Variants in PRPSAP1 observed in about 807,000 individuals in gnomAD.
PRPSAP1 encodes phosphoribosyl pyrophosphate synthase-associated protein 1.
Under a neutral mutation model 39.4 loss-of-function variants are expected in PRPSAP1, and 31 were observed. The observed-to-expected ratio is 0.79, with a 90% CI of 0.59 to 1.06. The LOEUF (loss-of-function observed/expected upper bound fraction) is 1.06, where lower values mean the gene tolerates loss of function less well. Ranked by LOEUF, PRPSAP1 falls within the 50% of genes least tolerant of loss-of-function variation. The pLI, the probability that PRPSAP1 is intolerant of heterozygous loss-of-function variation, is 0.00. For missense variants in PRPSAP1, 430 were observed against 511.6 expected (o/e 0.84, Z 1.54); for synonymous variants, 212 against 192.6 (o/e 1.10, Z -0.83).
chr17:76,330,057 A>G lies in PRPSAP1; in HGVS notation c.621T>C (p.Pro207=), dbSNP rs746858380. 6.2e-7 allele frequency: 1 copy of G among 1,613,784 alleles called. No individual in the cohort carries two copies. Among genetic ancestry groups the G allele is most frequent in the East Asian group, 2.2e-5 (1 of 44,888 alleles). Residue 207 remains proline, a synonymous_variant, in exon 6 of 10, where the codon CCT becomes CCC. Transcript: ENST00000446526. ...AGCTTACTTACCTCTTTGCAGCATC[A>G]GGAGACTTAGCTACAATGACTGCAT... The part of the protein sequence containing the change: ...YRNAVIVAKS[P]DAAKRAQSYA...
intron 9 of PRPSAP1, among the ~76,000 whole-genome samples, chr17:76,312,174 C>T (rs2071076503): frequency 1.3e-5 from 2 of 152,168 alleles, no homozygotes; most frequent in African/African-American, 2.4e-5. Flanking sequence ...GGCACAGTGG[C>T]TCATGCTTGT....
intron 7 of PRPSAP1, among the ~76,000 whole-genome samples, chr17:76,323,722 T>C (rs1007321868): frequency 6.6e-6 from 1 of 152,128 alleles, no homozygotes; most frequent in African/African-American, 2.4e-5. Flanking sequence ...TTTTGTTTTT[T>C]TTTTTGAGAT....
At chr17:76,334,652 T>TC (rs1467524266) in intron 3 of PRPSAP1, among the ~76,000 whole-genome samples, 2 of 151,552 alleles carry the variant, frequency 1.3e-5, no homozygotes, top group Non-Finnish European at 2.9e-5. Context: ...AAACAAAAAA[T>TC]GTCTCCCTGA....
chr17:76,332,421 G>A lies in PRPSAP1; in HGVS notation c.305C>T (p.Ala102Val), dbSNP rs1249044479. The change falls in exon 4 of 10, where the codon GCT becomes GTT. Residue 102 changes from alanine (A) to valine (V), a missense_variant. Ala to Val is a moderately conservative substitution (Grantham distance 64). Transcript: ENST00000446526. ...IQTIPRDVNT[A>V]VMELLIMAYA... The stretch of plus-strand genomic sequence containing the variant: ...AGCCATGATGAGCAACTCCATCACA[G>A]CTGTATTCACATCTCTGAAACAGTC... 2.5e-6 allele frequency: 4 copies of A among 1,614,044 alleles called. No homozygotes were observed. Among genetic ancestry groups the A allele is most frequent in the Non-Finnish European group, 3.4e-6 (4 of 1,180,022 alleles).
chr17:76,340,782 C>T (rs907415817), intron 3 of PRPSAP1, among the ~76,000 whole-genome samples: 45 of 151,574 alleles, frequency 3.0e-4, no homozygotes, highest in African/African-American at 8.0e-4. Context: ...CCCAGCTACT[C>T]GGGAGGCTGA....
At chr17:76,315,211 G>C (rs1057051666) in intron 7 of PRPSAP1, among the ~76,000 whole-genome samples, 2 of 152,184 alleles carry the variant, frequency 1.3e-5, no homozygotes, top group Admixed American at 1.3e-4. Context: ...AAGGAAATAA[G>C]ATTTTATCCT....
At chr17:76,353,320 G>T (rs1397294057) in intron 1 of PRPSAP1, 1 of 525,396 alleles carries the variant, frequency 1.9e-6, no homozygotes, top group Non-Finnish European at 3.3e-6. Flanking sequence ...GCGGGGGGCT[G>T]AGGTCACCGA....
intron 8 of PRPSAP1, chr17:76,313,462 C>A: frequency 3.5e-6 from 1 of 281,874 alleles, no homozygotes; most frequent in Non-Finnish European, 6.7e-6. Context: ...CGAGTCTGCA[C>A]GGGGACACCC....
rs1598542652 is a variant in PRPSAP1, at chr17:76,347,025, A to C, written c.223+1504T>G. ...CAAGGCCAGCAAACCCTCCGGGCCC[A>C]ATATGCCAGAGACGCTAGCCATGAC... On this transcript the variant is annotated intron_variant, in intron 2 of 9. Transcript: ENST00000446526. 2.0e-5 allele frequency among the ~76,000 whole-genome samples: 3 copies of C among 152,222 alleles called. No individual in the cohort carries two copies. In the East Asian group the frequency reaches 5.8e-4, roughly 29 times the overall value.
intron 7 of PRPSAP1, among the ~76,000 whole-genome samples, chr17:76,322,907 T>C (rs2071212767): frequency 6.6e-6 from 1 of 151,900 alleles, no homozygotes. Flanking sequence ...GGTGGGAGGA[T>C]CACCTGAGCC....
At chr17:76,351,193 T>C (rs1236294244) in intron 1 of PRPSAP1, among the ~76,000 whole-genome samples, 2 of 152,064 alleles carry the variant, frequency 1.3e-5, no homozygotes, top group Non-Finnish European at 2.9e-5. Context: ...GCCAACGTGG[T>C]GAAACCCATC....
chr17:76,313,563 C>G, intron 8 of PRPSAP1: 1 of 453,506 alleles, frequency 2.2e-6, no homozygotes, highest in South Asian at 3.5e-5. Flanking sequence ...TTTAAAGAAC[C>G]TAGAATCCAC....
At chr17:76,350,810 A>T (rs560689970) in intron 1 of PRPSAP1, among the ~76,000 whole-genome samples, 5 of 152,206 alleles carry the variant, frequency 3.3e-5, no homozygotes, top group Admixed American at 6.6e-5. Flanking sequence ...AGGTAGGTGG[A>T]TCACCTGAAG....
intron 9 of PRPSAP1, among the ~76,000 whole-genome samples, chr17:76,312,584 C>T (rs2071080470): frequency 6.6e-6 from 1 of 152,070 alleles, no homozygotes; most frequent in African/African-American, 2.4e-5. Context: ...ATAATAAAAG[C>T]GATTATTTTA....
At chr17:76,340,505 A>T (rs548327854) in intron 3 of PRPSAP1, among the ~76,000 whole-genome samples, 1 of 151,916 alleles carries the variant, frequency 6.6e-6, no homozygotes, top group East Asian at 1.9e-4. Flanking sequence ...CTTGGTTACC[A>T]TGTGATATCA....
intron 2 of PRPSAP1, 79 bp from the exon 3 acceptor site, chr17:76,344,816 C>A: frequency 8.8e-7 from 1 of 1,131,420 alleles, no homozygotes; most frequent in Non-Finnish European, 1.3e-6. Context: ...AAAAGTACTT[C>A]ATGCCGGGCG....
intron 7 of PRPSAP1, among the ~76,000 whole-genome samples, chr17:76,328,150 T>C (rs2071273045): frequency 7.0e-6 from 1 of 143,780 alleles, no homozygotes; most frequent in Admixed American, 7.2e-5. Context: ...GCCATGACTG[T>C]GCCACTGTAC....
chr17:76,326,488 C>T (rs779322579), intron 7 of PRPSAP1, among the ~76,000 whole-genome samples: 29 of 152,142 alleles, frequency 1.9e-4, no homozygotes, highest in Non-Finnish European at 1.3e-4. Context: ...TAATGGGACA[C>T]ATCATGTGTT....
rs1202416956 is a variant in PRPSAP1, at chr17:76,316,184, A to G, written c.782-2293T>C. 3.4e-5 allele frequency among the ~76,000 whole-genome samples: 5 copies of G among 146,224 alleles called. No homozygotes were observed. The East Asian group carries it at 9.9e-4, about 29-fold the overall frequency. ...GAGTGAGACTCCGTCTAAAAAAAAA[A>G]AAAAAAAGAAAAAAAAAAAGAAAGA... On this transcript the variant is annotated intron_variant, in intron 7 of 9. Coordinates refer to ENST00000446526, the MANE Select transcript of PRPSAP1 (RefSeq NM_002766.3).
Sources: allele counts gnomAD v4.1 joint callset (sites outside exome capture counted in the v4.1 genomes callset), GRCh38; gene constraint gnomAD v4.1.1; transcripts MANE v1.5; gene names NCBI Gene and HGNC (gene_info 2026-07-23, HGNC 2026-07-21).